Variants in ZNF787 observed in about 807,000 individuals in gnomAD.
ZNF787 encodes the protein TTF-I-interacting peptide 20.
In ZNF787, 7 loss-of-function variants were observed where a neutral mutation model predicts 16.9. The ratio of observed to expected loss-of-function variants is 0.42; its 90% confidence interval spans 0.24 to 0.78. The LOEUF is 0.78. ZNF787 is among the 30% of genes least tolerant of loss of function. The pLI, the probability that ZNF787 is intolerant of heterozygous loss-of-function variation, is 0.30. For synonymous variants in ZNF787, 345 were observed against 270.9 expected (o/e 1.27, Z -2.69); for missense variants, 551 against 589.3 (o/e 0.94, Z 0.67).
At position 56,087,494 on chromosome 19, in the gene ZNF787, C is replaced by G. The variant is rs553836002; in HGVS notation, c.*529G>C. On this transcript the variant is annotated 3_prime_UTR_variant, in exon 3 of 3. Transcript: ENST00000610935. ...CGGAATCCAGGAGGGGAAGGAACGA[C>G]TCGAGCTCTAAGGATGGGACCCGGA... The G allele has an allele frequency of 6.6e-6, 1 of 152,322 alleles. No homozygotes were observed. The highest frequency in any genetic ancestry group is 1.5e-5 in the Non-Finnish European group (1 of 68,094). 9.4% of individuals were successfully genotyped at this position (152,322 alleles called of 1,614,324 possible).
At chr19:56,092,586 C>G (rs1302072808) in intron 2 of ZNF787, among the ~76,000 whole-genome samples, 2 of 147,912 alleles carry the variant, frequency 1.4e-5, no homozygotes, top group African/African-American at 2.5e-5. Context: ...CATAGAAATT[C>G]AGGACTAAAG....
intron 2 of ZNF787, 25 bp from the exon 3 acceptor site, chr19:56,089,117 G>A (rs768576189): frequency 2.8e-6 from 4 of 1,434,908 alleles, no homozygotes; most frequent in African/African-American, 1.5e-5. Context: ...GGTAGGGGGA[G>A]GTGAGTCAAG....
intron 2 of ZNF787, among the ~76,000 whole-genome samples, chr19:56,101,352 G>C (rs1419788156): frequency 2.0e-5 from 3 of 152,280 alleles, no homozygotes; most frequent in Non-Finnish European, 4.4e-5. Flanking sequence ...TCCAGAGGCG[G>C]CGCCAAGCGC....
Position 56,088,596 on chromosome 19 carries a change from G to A in ZNF787, c.576C>T (p.Ser192=). ...GGTGCAGCCGCAGGTGACGCGCGAGGCTCTTGGGCTGGCTGAAGCCGCGGC... is the reference window on the plus strand; with the variant it reads ...GGTGCAGCCGCAGGTGACGCGCGAGACTCTTGGGCTGGCTGAAGCCGCGGC... ...RCGRGFSQPK[S]LARHLRLHPE... The change falls in exon 3 of 3, where the codon AGC becomes AGT. Residue 192 remains serine, a synonymous_variant. Coordinates refer to ENST00000610935, the MANE Select transcript of ZNF787 (RefSeq NM_001002836.4). The surrounding 1 kb of genome is among the most constrained non-coding windows in gnomAD (Gnocchi z 8.6). 6.6e-7 allele frequency: 1 copy of A among 1,516,102 alleles called. No individual in the cohort carries two copies. Among genetic ancestry groups the A allele is most frequent in the Non-Finnish European group, 8.8e-7 (1 of 1,139,250 alleles). The allele number at this position is 1,516,102 out of a possible 1,614,324, so 93.9% of individuals were successfully genotyped here.
At chr19:56,120,935 C>T (rs2030277256) in intron 1 of ZNF787, among the ~76,000 whole-genome samples, 1 of 140,610 alleles carries the variant, frequency 7.1e-6, no homozygotes, top group African/African-American at 2.6e-5. Context: ...GCTCGCCGCC[C>T]GCGGGCCGCC....
In ZNF787 at chr19:56,100,516, G is replaced by A. The variant is rs114385533; in HGVS notation, c.79+2623C>T. ...GCTGGTTCCCTTTTCTCTGCCTGGC[G>A]GGCATGCTCCCCTGCCCCTCCAGGG... On this transcript the variant is annotated intron_variant, in intron 2 of 2. Coordinates refer to ENST00000610935, the MANE Select transcript of ZNF787 (RefSeq NM_001002836.4). 5.3e-3 allele frequency among the ~76,000 whole-genome samples: 809 copies of A among 152,144 alleles called. 7 individuals carry two copies. The highest frequency in any genetic ancestry group is 0.018 in the African/African-American group (757 of 41,476).
chr19:56,097,062 G>GC (rs927711606), intron 2 of ZNF787, among the ~76,000 whole-genome samples: 14 of 152,154 alleles, frequency 9.2e-5, no homozygotes, highest in African/African-American at 3.4e-4. Flanking sequence ...ATCTTCAGGA[G>GC]CCCCGGCCTC....
At chr19:56,110,275 G>T (rs935455018) in intron 1 of ZNF787, among the ~76,000 whole-genome samples, 1 of 151,386 alleles carries the variant, frequency 6.6e-6, no homozygotes, top group Non-Finnish European at 1.5e-5. Context: ...CAGGAGAATC[G>T]CTTGAACCCC....
intron 2 of ZNF787, chr19:56,102,245 G>A (rs1986126658): frequency 6.6e-6 from 1 of 152,318 alleles, no homozygotes; most frequent in Non-Finnish European, 1.5e-5. Flanking sequence ...TGGCTGCGTG[G>A]TATCTGTGAG....
intron 1 of ZNF787, among the ~76,000 whole-genome samples, chr19:56,117,445 C>G (rs2637100): frequency 0.012 from 332 of 26,564 alleles, no homozygotes; most frequent in South Asian, 0.027. Flanking sequence ...CAATCTCACA[C>G]AGCCACAGCG....
At chr19:56,101,223 G>A (rs1222280464) in intron 2 of ZNF787, among the ~76,000 whole-genome samples, 1 of 152,284 alleles carries the variant, frequency 6.6e-6, no homozygotes, top group Non-Finnish European at 1.5e-5. Context: ...CACATAGGGG[G>A]GACGCATGTA....
At position 56,121,183 on chromosome 19, in the gene ZNF787, C is replaced by G. The variant is rs1401758338; in HGVS notation, c.-22G>C. The G allele has an allele frequency of 2.0e-5, 3 of 148,206 alleles. No homozygotes were observed. Among genetic ancestry groups the G allele is most frequent in the Non-Finnish European group, 4.5e-5 (3 of 66,690 alleles). The allele number at this position is 148,206 out of a possible 1,614,324, so 9.2% of individuals were successfully genotyped here. A position where few individuals can be genotyped will look rare whatever the true frequency, so the allele number is the denominator to read the frequency against. On this transcript the variant is annotated 5_prime_UTR_variant, in exon 1 of 3. Coordinates refer to ENST00000610935, the MANE Select transcript of ZNF787 (RefSeq NM_001002836.4). ...CCCCCACCCCTCACCTCCTTGGTCC[C>G]GGGGCCGCCGCGCCGCACTCCTCCT... is the stretch of plus-strand genomic sequence containing the variant.
chr19:56,091,963 A>ACCGAAACCGAAG lies in ZNF787; in HGVS notation c.80-2872_80-2871insCTTCGGTTTCGG, dbSNP rs1555775521. On this transcript the variant is annotated intron_variant, in intron 2 of 2. Coordinates refer to ENST00000610935, the MANE Select transcript of ZNF787 (RefSeq NM_001002836.4). ...AGCCAAAGCCAAAGCCGAAACCGAA[A>ACCGAAACCGAAG]CCGAAGCCAAAGCCGAAGGCGAAAC... Among the ~76,000 whole-genome samples the ACCGAAACCGAAG allele has an allele frequency of 4.1e-5, 6 of 145,748 alleles. No homozygotes were observed. In the South Asian group the frequency reaches 6.3e-4, roughly 15 times the overall value.
rs146628221 is a variant in ZNF787, at chr19:56,091,299, GAAGA to G, written c.80-2211_80-2208del. On this transcript the variant is annotated intron_variant, in intron 2 of 2. Transcript: ENST00000610935. ...ATAACTGCTTTGTTTTCGAAGCTGT[GAAGA>G]AAGAAAGTGTAGCAATGCTCCCTGT... is the stretch of plus-strand genomic sequence containing the variant. 3.6e-3 allele frequency among the ~76,000 whole-genome samples: 555 copies of G among 152,324 alleles called. 3 individuals are homozygous for G. Among genetic ancestry groups the G allele is most frequent in the African/African-American group, 0.012 (514 of 41,574 alleles).
chr19:56,107,997 C>T (rs1312417219), intron 1 of ZNF787, among the ~76,000 whole-genome samples: 1 of 152,092 alleles, frequency 6.6e-6, no homozygotes, highest in Non-Finnish European at 1.5e-5. Flanking sequence ...GAGGTGGGCA[C>T]TGTTCTGACG....
At chr19:56,108,953 C>G (rs900084550) in intron 1 of ZNF787, among the ~76,000 whole-genome samples, 10 of 152,124 alleles carry the variant, frequency 6.6e-5, no homozygotes, top group African/African-American at 2.4e-4. Context: ...GCAGAGACAG[C>G]CTCCATCACA....
Position 56,091,947 on chromosome 19 carries a change from C to CG in ZNF787, c.80-2856_80-2855insC, listed in dbSNP as rs57458138. Among the ~76,000 whole-genome samples the CG allele has an allele frequency of 7.5e-3, 1,128 of 149,436 alleles. 20 individuals carry two copies. Among genetic ancestry groups the CG allele is most frequent in the African/African-American group, 0.026 (1,064 of 40,918 alleles). ...CCGAAGCCGAAGCCGAAGCCAAAGC[C>CG]AAAGCCGAAACCGAAACCGAAGCCA... On this transcript the variant is annotated intron_variant, in intron 2 of 2. Coordinates refer to ENST00000610935, the MANE Select transcript of ZNF787 (RefSeq NM_001002836.4).
intron 1 of ZNF787, among the ~76,000 whole-genome samples, chr19:56,116,373 C>T (rs1352413374): frequency 1.3e-5 from 2 of 151,884 alleles, no homozygotes; most frequent in African/African-American, 2.4e-5. Flanking sequence ...ACCCAGGAGG[C>T]GGAGCTTGCA....
intron 2 of ZNF787, among the ~76,000 whole-genome samples, chr19:56,096,227 C>CTAAAAAA (rs1985861691): frequency 7.5e-5 from 1 of 13,390 alleles, no homozygotes; most frequent in Non-Finnish European, 6.7e-4. Flanking sequence ...GACCCCGTCT[C>CTAAAAAA]TAAAAAAATA....
Sources: gnomAD v4.1 joint callset for allele counts (sites outside exome capture counted in the v4.1 genomes callset) on GRCh38, gnomAD v4.1.1 for gene constraint, Gnocchi (gnomAD v3.1) non-coding constraint, MANE v1.5 for transcripts, NCBI Gene and HGNC (gene_info 2026-07-23, HGNC 2026-07-21) for gene names.